The following RGSL1 variants were observed in gnomAD, a reference collection of about 807,000 sequenced individuals.
RGSL1 encodes the protein regulator of G protein signaling protein-like.
Under a neutral mutation model 124.7 loss-of-function variants are expected in RGSL1, and 97 were observed. The observed-to-expected ratio is 0.78, with a 90% CI of 0.66 to 0.92. RGSL1 has a LOEUF of 0.92. RGSL1 is among the 40% of genes least tolerant of loss of function. RGSL1 has a pLI of 0.00. For missense variants in RGSL1, 1,233 were observed against 1,288.4 expected, an observed-to-expected ratio of 0.96 and a Z score of 0.66; for synonymous variants, 424 against 438.1, an observed-to-expected ratio of 0.97 and a Z score of 0.40.
intron 4 of RGSL1, 65 bp downstream of exon 4, chr1:182,460,198 A>C (rs1652703531): frequency 6.8e-7 from 1 of 1,481,296 alleles, no homozygotes. Context: ...AAATATAGGA[A>C]GTCACACTTC....
At chr1:182,512,479 C>A (rs1297177437) in intron 9 of RGSL1, among the ~76,000 whole-genome samples, 1 of 152,160 alleles carries the variant, frequency 6.6e-6, no homozygotes, top group South Asian at 2.1e-4. Flanking sequence ...CATGCTCAAA[C>A]CCCTTATGGG....
At chr1:182,486,789 C>T (rs1655132835) in intron 6 of RGSL1, among the ~76,000 whole-genome samples, 1 of 152,198 alleles carries the variant, frequency 6.6e-6, no homozygotes, top group Admixed American at 6.5e-5. Flanking sequence ...AATTCTCCTG[C>T]CTCAGCCTCC....
intron 18 of RGSL1, 76 bp from the exon 19 acceptor site, chr1:182,553,379 A>G: frequency 9.3e-7 from 1 of 1,080,066 alleles, no homozygotes; most frequent in Non-Finnish European, 1.4e-6. Context: ...CAAGAGCTTT[A>G]TTGCTTACTT....
intron 6 of RGSL1, among the ~76,000 whole-genome samples, chr1:182,481,849 G>A (rs189906552): frequency 2.1e-4 from 32 of 152,286 alleles, no homozygotes; most frequent in East Asian, 3.9e-4. Flanking sequence ...GCATGGTGGC[G>A]TGTGCCTGTG....
intron 6 of RGSL1, among the ~76,000 whole-genome samples, chr1:182,482,338 C>T (rs1558280531): frequency 6.6e-6 from 1 of 152,114 alleles, no homozygotes; most frequent in Non-Finnish European, 1.5e-5. Flanking sequence ...TAAGGATCCT[C>T]ATTCTTGCCC....
chr1:182,515,209 C>A (rs1657773116), intron 9 of RGSL1, among the ~76,000 whole-genome samples: 1 of 152,200 alleles, frequency 6.6e-6, no homozygotes, highest in South Asian at 2.1e-4. Flanking sequence ...CTGTTGGCAA[C>A]TTTGCGTTCC....
chr1:182,528,177 C>G (rs972676147), intron 11 of RGSL1, among the ~76,000 whole-genome samples: 2 of 152,044 alleles, frequency 1.3e-5, no homozygotes, highest in Non-Finnish European at 2.9e-5. Context: ...ATCATCAGAT[C>G]TCATGAGAAC....
intron 4 of RGSL1, chr1:182,471,398 G>A (rs1437360169): frequency 2.2e-6 from 1 of 457,272 alleles, no homozygotes; most frequent in South Asian, 1.6e-5. Flanking sequence ...TGGGTTCTTG[G>A]GGTTGTTCCT....
At chr1:182,476,380 T>A (rs1224997210) in intron 6 of RGSL1, among the ~76,000 whole-genome samples, 1 of 152,158 alleles carries the variant, frequency 6.6e-6, no homozygotes, top group African/African-American at 2.4e-5. Context: ...CATTTTTATA[T>A]CATTCTTGAC....
intron 9 of RGSL1, among the ~76,000 whole-genome samples, chr1:182,509,832 C>A (rs1277461739): frequency 7.2e-6 from 1 of 138,016 alleles, no homozygotes; most frequent in African/African-American, 2.8e-5. Flanking sequence ...CCCCCCACCT[C>A]CCTCCCGGAC....
intron 8 of RGSL1, among the ~76,000 whole-genome samples, chr1:182,490,481 C>G (rs1020359801): frequency 6.6e-6 from 1 of 152,140 alleles, no homozygotes; most frequent in Non-Finnish European, 1.5e-5. Context: ...GCCCTGGATG[C>G]CTGTCTGTCA....
chr1:182,537,081 C>G (rs1165188540), intron 14 of RGSL1, among the ~76,000 whole-genome samples: 4 of 152,074 alleles, frequency 2.6e-5, no homozygotes, highest in Non-Finnish European at 4.4e-5. Flanking sequence ...GAAAATATAT[C>G]TCTCAGTTGA....
In RGSL1 at chr1:182,550,871, C is replaced by T; in HGVS notation, c.2934-229C>T. ...CACTGATGGTTCCAGAAAGAAGCCC[C>T]AACAAACTGCCCATGCCAGGCCCGC... On this transcript the variant is annotated intron_variant, in intron 17 of 21. Coordinates refer to ENST00000294854, the MANE Select transcript of RGSL1 (RefSeq NM_001137669.2). 9.6e-6 allele frequency: 5 copies of T among 520,362 alleles called. No homozygotes were observed. In the South Asian group the frequency reaches 1.5e-4, roughly 16 times the overall value. 32.2% of individuals were successfully genotyped at this position (520,362 alleles called of 1,614,324 possible). A position where few individuals can be genotyped will look rare whatever the true frequency, so the allele number is the denominator to read the frequency against.
At chr1:182,471,669 G>C (rs1653855165) in intron 4 of RGSL1, among the ~76,000 whole-genome samples, 1 of 152,098 alleles carries the variant, frequency 6.6e-6, no homozygotes, top group Admixed American at 6.5e-5. Flanking sequence ...AGGTGAACAA[G>C]AGCCATAAGT....
chr1:182,540,513 CA>C, intron 15 of RGSL1, 92 bp downstream of exon 15: 1 of 1,095,542 alleles, frequency 9.1e-7, no homozygotes, highest in South Asian at 1.7e-5. Flanking sequence ...GTTAGAGATA[CA>C]GTGATTTCAG....
chr1:182,556,034 T>C lies in RGSL1; in HGVS notation c.3208T>C (p.Ser1070Pro), dbSNP rs902354109. Residue 1070 changes from serine to proline, a missense_variant, in exon 21 of 22, where the codon TCC becomes CCC. By Grantham distance (74) the Ser-to-Pro change is moderately conservative. Coordinates refer to ENST00000294854, the MANE Select transcript of RGSL1 (RefSeq NM_001137669.2). ...QLHPVQGQKL[S>P]YIKKEK ...TTTCTCTCCCTTCAGACAAAAATTA[T>C]CCTACATCAAAAAAGAGAAGTAATC... 4 of 1,551,424 alleles carry C rather than the reference T, an allele frequency of 2.6e-6. No individual in the cohort carries two copies. In the African/African-American group the frequency reaches 5.5e-5, roughly 21 times the overall value.
At position 182,505,546 on chromosome 1, in the gene RGSL1, T is replaced by A. The variant is rs181404600; in HGVS notation, c.1825+12417T>A. On this transcript the variant is annotated intron_variant, in intron 9 of 21. Transcript: ENST00000294854. ...TTTGTCGTATCCTTAGTTGCTTTTG[T>A]GGAGGGTTGAATTCTGAGAGCTCCC... 1.4e-4 allele frequency among the ~76,000 whole-genome samples: 22 copies of A among 152,336 alleles called. No homozygotes were observed. In the East Asian group the frequency reaches 4.2e-3, roughly 29 times the overall value.
intron 9 of RGSL1, among the ~76,000 whole-genome samples, chr1:182,508,739 G>T (rs1277849367): frequency 7.4e-6 from 1 of 135,698 alleles, no homozygotes; most frequent in African/African-American, 2.8e-5. Flanking sequence ...CACAGAGGGG[G>T]ATTTGGCAGG....
At chr1:182,461,136 C>CTT (rs35666062) in intron 4 of RGSL1, among the ~76,000 whole-genome samples, 2 of 149,030 alleles carry the variant, frequency 1.3e-5, no homozygotes, top group Non-Finnish European at 1.5e-5. Context: ...TCATTTTTCT[C>CTT]TTTTTTTTTT....
Sources: allele counts gnomAD v4.1 joint callset (sites outside exome capture counted in the v4.1 genomes callset), GRCh38; gene constraint gnomAD v4.1.1; transcripts MANE v1.5; gene names NCBI Gene and HGNC (gene_info 2026-07-23, HGNC 2026-07-21).